Variants in CSMD3 observed in about 807,000 individuals in gnomAD.
CSMD3 encodes CUB and sushi domain-containing protein 3.
A neutral mutation model predicts 435.2 loss-of-function variants in CSMD3; 177 were observed. The ratio of observed to expected loss-of-function variants is 0.41; its 90% CI spans 0.36 to 0.46. The LOEUF (loss-of-function observed/expected upper bound fraction) is 0.46. Among genes scored for constraint, CSMD3 ranks in the 20% least tolerant of loss-of-function variants. CSMD3 has a pLI of 0.34. For missense variants in CSMD3, 4,265 were observed against 4,504.6 expected (o/e 0.95, Z 1.52); for synonymous variants, 1,656 against 1,520.5 (o/e 1.09, Z -2.07).
chr8:112,498,760 T>C (rs1053361529), intron 30 of CSMD3, among the ~76,000 whole-genome samples: 4 of 152,266 alleles, frequency 2.6e-5, no homozygotes, highest in South Asian at 2.1e-4. Flanking sequence ...ACAGGTCATA[T>C]GTATAAGCCT....
At position 112,829,693 on chromosome 8, in the gene CSMD3, G is replaced by A. The variant is rs2079805967; in HGVS notation, c.1852C>T (p.Leu618Phe). The A allele has an allele frequency of 1.3e-6, 2 of 1,596,466 alleles. No homozygotes were observed. The highest frequency in any genetic ancestry group is 1.7e-6 in the Non-Finnish European group (2 of 1,164,018). ...GGEVGDPRTVLQVLTGSFVPD... is the reference protein window; with the variant it reads ...GGEVGDPRTVFQVLTGSFVPD... ...GAAACATTGGGAACTTACACTTGGAGCACTGTCCTAGGATCTCCAACTTCG... is the reference window on the plus strand; with the variant it reads ...GAAACATTGGGAACTTACACTTGGAACACTGTCCTAGGATCTCCAACTTCG... Residue 618 changes from leucine (L) to phenylalanine (F), a missense_variant, in exon 12 of 71, where the codon CTC becomes TTC. Leu to Phe is a conservative substitution (Grantham distance 22). Around this residue, in one of 3 missense-constraint regions of CSMD3, gnomAD observed 731 missense variants for 755.4 expected, o/e 0.97. Transcript: ENST00000297405.
intron 18 of CSMD3, among the ~76,000 whole-genome samples, chr8:112,651,791 C>T (rs117656859): frequency 0.013 from 1,941 of 152,026 alleles, 12 homozygotes; most frequent in Admixed American, 0.023. Flanking sequence ...CTGCATCAGT[C>T]TTCCAAAGTG....
intron 1 of CSMD3, among the ~76,000 whole-genome samples, chr8:113,347,537 TG>T (rs796179757): frequency 1.6e-4 from 25 of 152,160 alleles, no homozygotes; most frequent in African/African-American, 5.8e-4. Context: ...TTTTCTTTCA[TG>T]GTTTGGAGAG....
chr8:112,729,712 C>G (rs1437338383), intron 13 of CSMD3, among the ~76,000 whole-genome samples: 1 of 151,852 alleles, frequency 6.6e-6, no homozygotes, highest in Non-Finnish European at 1.5e-5. Flanking sequence ...ATTATTTTTT[C>G]CTCTCTCTTA....
rs146195504 is a variant in CSMD3 at position 112,977,322 on chromosome 8, T to C, written c.1031-1174A>G. On this transcript the variant is annotated intron_variant, in intron 6 of 70. Coordinates refer to ENST00000297405, the MANE Select transcript of CSMD3 (RefSeq NM_198123.2). ...TTTTCTAAAGCCCCTGAGTGGTATA[T>C]GTTTTTATACACTTTTCTTCGCAAC... Among the ~76,000 whole-genome samples, 997 of 152,186 alleles carry C rather than the reference T, an allele frequency of 6.6e-3. 12 individuals are homozygous for C. Among genetic ancestry groups the C allele is most frequent in the African/African-American group, 0.023 (957 of 41,550 alleles).
chr8:112,453,267 G>A (rs1186908837), intron 32 of CSMD3, among the ~76,000 whole-genome samples: 1 of 152,058 alleles, frequency 6.6e-6, no homozygotes, highest in Non-Finnish European at 1.5e-5. Context: ...CCCAGTCAGA[G>A]CAATCAGGCA....
chr8:112,623,087 G>A (rs1474698136), intron 22 of CSMD3, among the ~76,000 whole-genome samples: 3 of 152,002 alleles, frequency 2.0e-5, no homozygotes, highest in Admixed American at 1.3e-4. Flanking sequence ...ATAGAAAAAT[G>A]CATGAAATAA....
chr8:112,470,971 A>G (rs1164380551), intron 32 of CSMD3, among the ~76,000 whole-genome samples: 1 of 152,170 alleles, frequency 6.6e-6, no homozygotes, highest in East Asian at 1.9e-4. Context: ...CAGTTTTTTT[A>G]TATTAAGAGG....
chr8:112,499,954 C>A (rs1821776482), intron 30 of CSMD3, among the ~76,000 whole-genome samples: 1 of 151,868 alleles, frequency 6.6e-6, no homozygotes, highest in African/African-American at 2.4e-5. Context: ...ACTAAAGATA[C>A]AAAAATTAGC....
chr8:112,860,796 G>A (rs1258996857), intron 10 of CSMD3, among the ~76,000 whole-genome samples: 2 of 151,716 alleles, frequency 1.3e-5, no homozygotes, highest in East Asian at 1.9e-4. Flanking sequence ...ATTTGTTCTT[G>A]TTTTATTTTT....
At chr8:112,333,280 G>C (rs2130934874) in intron 45 of CSMD3, among the ~76,000 whole-genome samples, 1 of 152,238 alleles carries the variant, frequency 6.6e-6, no homozygotes, top group South Asian at 2.1e-4. Context: ...TGATTCTCCT[G>C]CCTCAGCCAC....
At chr8:112,973,503 C>T (rs1192793495) in intron 7 of CSMD3, among the ~76,000 whole-genome samples, 2 of 151,748 alleles carry the variant, frequency 1.3e-5, no homozygotes, top group African/African-American at 4.8e-5. Flanking sequence ...TCTTTATTTC[C>T]TCTAGAACAG....
chr8:112,482,640 A>C (rs923276257), intron 31 of CSMD3, among the ~76,000 whole-genome samples: 3 of 152,202 alleles, frequency 2.0e-5, no homozygotes, highest in Non-Finnish European at 4.4e-5. Flanking sequence ...TGAAACTAAA[A>C]TAGCTTTTTA....
At chr8:113,162,403 TA>T (rs1366477619) in intron 4 of CSMD3, among the ~76,000 whole-genome samples, 1 of 151,314 alleles carries the variant, frequency 6.6e-6, no homozygotes. Context: ...CTGTCGCTAC[TA>T]AATACACAAA....
chr8:112,743,305 A>AT (rs901511640), intron 13 of CSMD3, among the ~76,000 whole-genome samples: 10 of 150,186 alleles, frequency 6.7e-5, no homozygotes, highest in African/African-American at 1.9e-4. Flanking sequence ...CCAAAAAAAA[A>AT]AAATAAATAA....
In CSMD3 at chr8:112,292,612, A is replaced by C; in HGVS notation, c.8713T>G (p.Tyr2905Asp). The stretch of plus-strand genomic sequence containing the variant: ...GCCTTTGTTGGCCCTTGCATAAGAT[A>C]CCCAATATTGCATGAGAATGTTACC... ...DVVTFSCNIG[Y>D]LMQGPTKAQC... Residue 2905 changes from tyrosine to aspartate, a missense_variant, in exon 55 of 71, where the codon TAT (tyrosine) becomes GAT (aspartate). By Grantham distance (160) the Tyr-to-Asp change is radical. Coordinates refer to ENST00000297405, the MANE Select transcript of CSMD3 (RefSeq NM_198123.2). The C allele has an allele frequency of 6.2e-7, 1 of 1,613,784 alleles. No individual in the cohort carries two copies. The highest frequency in any genetic ancestry group is 8.5e-7 in the Non-Finnish European group (1 of 1,179,744).
intron 13 of CSMD3, among the ~76,000 whole-genome samples, chr8:112,741,794 A>AAGATAGAT (rs3039663): frequency 0.076 from 11,305 of 149,382 alleles, 844 homozygotes; most frequent in African/African-American, 0.19. Context: ...AGATAGAGAG[A>AAGATAGAT]AGATAGATAG....
intron 35 of CSMD3, among the ~76,000 whole-genome samples, chr8:112,405,246 TAC>T (rs1554668938): frequency 3.7e-5 from 3 of 81,532 alleles, no homozygotes; most frequent in African/African-American, 1.1e-4. Flanking sequence ...TATATATATA[TAC>T]ATATATATAT....
At chr8:112,856,668 A>T (rs1288435510) in intron 11 of CSMD3, among the ~76,000 whole-genome samples, 2 of 151,822 alleles carry the variant, frequency 1.3e-5, no homozygotes, top group African/African-American at 4.8e-5. Context: ...TGTTTAATTA[A>T]TTTCATCAAG....
Sources: gnomAD v4.1 joint callset for allele counts (sites outside exome capture counted in the v4.1 genomes callset) on GRCh38, gnomAD v4.1.1 for gene constraint, gnomAD v4.1.1 regional missense constraint, MANE v1.5 for transcripts, NCBI Gene and HGNC (gene_info 2026-07-23, HGNC 2026-07-21) for gene names.